DENND1A: variants seen among roughly 807,000 people sequenced by gnomAD.
DENND1A encodes the protein DENN domain containing 1A, also known as DENN domain-containing protein 1A.
In DENND1A, 51 loss-of-function variants were observed where a neutral mutation model predicts 113.7. That is an observed-to-expected ratio of 0.45 (90% CI 0.36 to 0.57). The LOEUF (loss-of-function observed/expected upper bound fraction) is 0.57. Among genes scored for constraint, DENND1A ranks in the 20% least tolerant of loss-of-function variants. DENND1A has a pLI of 0.00. For missense variants in DENND1A, 1,258 were observed against 1,395.9 expected (o/e 0.90, Z 1.57); for synonymous variants, 565 against 570.8 (o/e 0.99, Z 0.14).
chr9:123,664,758 T>G (rs73665327), intron 8 of DENND1A, among the ~76,000 whole-genome samples: 2,350 of 152,310 alleles, frequency 0.015, 60 homozygotes, highest in African/African-American at 0.054. Flanking sequence ...ATAGTTTTCG[T>G]TCACCACCAT....
chr9:123,904,597 C>G (rs536321025), intron 1 of DENND1A, among the ~76,000 whole-genome samples: 2 of 149,206 alleles, frequency 1.3e-5, no homozygotes, highest in Admixed American at 1.3e-4. Flanking sequence ...CCGATGCAAT[C>G]AACTGGAAGA....
At position 123,381,873 on chromosome 9, in the gene DENND1A, C is replaced by T. The variant is rs1176405237; in HGVS notation, c.2772G>A (p.Gly924=). 4 of 1,460,722 alleles carry T rather than the reference C, an allele frequency of 2.7e-6. No homozygotes were observed. The highest frequency in any genetic ancestry group is 2.8e-5 in the Admixed American group (1 of 35,272). 90.5% of individuals were successfully genotyped at this position (1,460,722 alleles called of 1,614,324 possible). A position where few individuals can be genotyped will look rare whatever the true frequency, so the allele number is the denominator to read the frequency against. ...GPFGAPPASL[G]PAFASGLLLS... The stretch of plus-strand genomic sequence containing the variant: ...GCAGGAGGCCGGACGCAAAAGCCGG[C>T]CCCAGGGAAGCTGGAGGGGCCCCGA... The change falls in exon 24 of 24, where the codon GGG becomes GGA. Residue 924 remains glycine (G), a synonymous_variant. Coordinates refer to ENST00000394215, the MANE Select transcript of DENND1A (RefSeq NM_001352964.2). This position sits in a 1 kb window ranked among gnomAD's most constrained non-coding sequence, Gnocchi z 4.7.
chr9:123,809,026 C>A (rs1056120697), intron 2 of DENND1A, among the ~76,000 whole-genome samples: 10 of 152,168 alleles, frequency 6.6e-5, no homozygotes, highest in Non-Finnish European at 7.3e-5. Context: ...TTAGGTTCTG[C>A]CAGTCAGATC....
intron 12 of DENND1A, among the ~76,000 whole-genome samples, chr9:123,576,069 CT>C (rs2058620007): frequency 6.6e-6 from 1 of 152,196 alleles, no homozygotes; most frequent in Admixed American, 6.5e-5. Flanking sequence ...ACCTTCAATA[CT>C]GGCTTATTAG....
At chr9:123,593,959 C>CTG (rs2059577804) in intron 11 of DENND1A, among the ~76,000 whole-genome samples, 1 of 152,182 alleles carries the variant, frequency 6.6e-6, no homozygotes, top group Non-Finnish European at 1.5e-5. Context: ...CCCTCTCTCT[C>CTG]TCTTTCTCCT....
At chr9:123,691,014 A>C (rs2065157825) in intron 5 of DENND1A, among the ~76,000 whole-genome samples, 1 of 152,232 alleles carries the variant, frequency 6.6e-6, no homozygotes, top group Non-Finnish European at 1.5e-5. Flanking sequence ...ATGTGGGTAC[A>C]GTCAGCCTCA....
chr9:123,668,436 T>C (rs1200339284), intron 7 of DENND1A, among the ~76,000 whole-genome samples: 1 of 152,230 alleles, frequency 6.6e-6, no homozygotes, highest in Non-Finnish European at 1.5e-5. Context: ...AAAGGCATTA[T>C]GTCTAGTACT....
rs144854390 is a variant in DENND1A at position 123,475,983 on chromosome 9, A to T, written c.994-18086T>A. Among the ~76,000 whole-genome samples the T allele has an allele frequency of 3.6e-3, 545 of 152,282 alleles. 3 individuals carry two copies. The highest frequency in any genetic ancestry group is 0.02 in the Middle Eastern group (6 of 294). ...CAGATCACTTGAGGTCAGGAGTTCA[A>T]GACCAGCCTGGCCAATATGGTGAAA... On this transcript the variant is annotated intron_variant, in intron 13 of 23. Coordinates refer to ENST00000394215, the MANE Select transcript of DENND1A (RefSeq NM_001352964.2).
chr9:123,761,508 T>C (rs2071035577), intron 4 of DENND1A, among the ~76,000 whole-genome samples: 1 of 152,208 alleles, frequency 6.6e-6, no homozygotes, highest in South Asian at 2.1e-4. Flanking sequence ...CTTTTCTCTC[T>C]TGCCTGTTGC....
intron 18 of DENND1A, 63 bp from the exon 19 acceptor site, chr9:123,440,554 C>T: frequency 1.3e-6 from 2 of 1,491,234 alleles, no homozygotes; most frequent in Non-Finnish European, 1.8e-6. Context: ...TCCCTCTCAC[C>T]CCACAACGAA....
At chr9:123,545,299 C>T (rs1436056513) in intron 13 of DENND1A, among the ~76,000 whole-genome samples, 2 of 152,070 alleles carry the variant, frequency 1.3e-5, no homozygotes, top group African/African-American at 4.8e-5. Context: ...TGCAACCGCA[C>T]CCCACAGAAA....
At chr9:123,829,371 GTGA>G (rs1243990027) in intron 2 of DENND1A, among the ~76,000 whole-genome samples, 1 of 151,918 alleles carries the variant, frequency 6.6e-6, no homozygotes, top group Non-Finnish European at 1.5e-5. Context: ...TAAAAATGAG[GTGA>G]TGAACTCACA....
intron 19 of DENND1A, among the ~76,000 whole-genome samples, chr9:123,436,023 A>G (rs538237902): frequency 1.4e-4 from 22 of 152,322 alleles, no homozygotes; most frequent in South Asian, 6.2e-4. Flanking sequence ...AAGCCAGTCA[A>G]GGCCAGCCAT....
At chr9:123,588,283 CAAAAAAAA>C (rs10640791) in intron 11 of DENND1A, among the ~76,000 whole-genome samples, 2 of 68,074 alleles carry the variant, frequency 2.9e-5, no homozygotes, top group African/African-American at 9.8e-5. Context: ...AACTCTGTCT[CAAAAAAAA>C]AAAAAAAAAA....
chr9:123,658,805 T>C (rs2063091736), intron 8 of DENND1A, among the ~76,000 whole-genome samples: 1 of 152,180 alleles, frequency 6.6e-6, no homozygotes, highest in South Asian at 2.1e-4. Context: ...TCCCTGTCCT[T>C]AGAGAAGGAG....
intron 18 of DENND1A, among the ~76,000 whole-genome samples, chr9:123,445,210 T>C (rs1403076130): frequency 6.6e-6 from 1 of 151,980 alleles, no homozygotes; most frequent in African/African-American, 2.4e-5. Flanking sequence ...CTCGGGAGAC[T>C]AGAGGACAAA....
At chr9:123,896,330 C>CAAAA (rs536760482) in intron 1 of DENND1A, among the ~76,000 whole-genome samples, 2 of 143,478 alleles carry the variant, frequency 1.4e-5, no homozygotes, top group Admixed American at 7.1e-5. Flanking sequence ...AACAAACAAA[C>CAAAA]AAAAAAAAAA....
At chr9:123,546,412 C>A (rs909036652) in intron 13 of DENND1A, among the ~76,000 whole-genome samples, 3 of 151,746 alleles carry the variant, frequency 2.0e-5, no homozygotes, top group Non-Finnish European at 2.9e-5. Context: ...AGTAGCCGGG[C>A]GTGGTGGTAG....
At chr9:123,811,627 T>C (rs1836625044) in intron 2 of DENND1A, among the ~76,000 whole-genome samples, 1 of 151,874 alleles carries the variant, frequency 6.6e-6, no homozygotes, top group African/African-American at 2.4e-5. Context: ...GGCGTGGTGG[T>C]GGGCGCCTGT....
Sources: allele counts gnomAD v4.1 joint callset (sites outside exome capture counted in the v4.1 genomes callset), GRCh38; gene constraint gnomAD v4.1.1; non-coding constraint Gnocchi (gnomAD v3.1); transcripts MANE v1.5; gene names NCBI Gene and HGNC (gene_info 2026-07-23, HGNC 2026-07-21).